Variants in GPHN observed in about 807,000 individuals in gnomAD.
GPHN encodes gephyrin.
In GPHN, 17 loss-of-function variants were observed where a neutral mutation model predicts 95.5. The observed-to-expected ratio is 0.18, with a 90% CI of 0.12 to 0.27. The LOEUF (loss-of-function observed/expected upper bound fraction) is 0.27. Ranked by LOEUF, GPHN falls within the 10% of genes least tolerant of loss-of-function variation. The pLI, the probability that GPHN is intolerant of heterozygous loss-of-function variation, is 1.00. For synonymous variants in GPHN, 320 were observed against 322.5 expected, an observed-to-expected ratio of 0.99 and a Z score of 0.08; for missense variants, 660 against 978.1, an observed-to-expected ratio of 0.67 and a Z score of 4.34.
At chr14:67,382,771 A>G in the GPHN span, 2 of 620,092 alleles carry the variant, frequency 3.2e-6, no homozygotes, top group Non-Finnish European at 5.5e-6. Context: ...AATAAACAAT[A>G]TAAATGAGAA....
chr14:67,670,523 T>C, the GPHN span, among the ~76,000 whole-genome samples: 38 of 152,230 alleles, frequency 2.5e-4, no homozygotes, highest in African/African-American at 8.9e-4. Flanking sequence ...CTCAGAGAAC[T>C]TTATTTTAGG....
the GPHN span, among the ~76,000 whole-genome samples, chr14:67,221,343 A>G: frequency 6.6e-6 from 1 of 152,188 alleles, no homozygotes; most frequent in Non-Finnish European, 1.5e-5. Context: ...CTAACCATCC[A>G]TTTCAGAATT....
chr14:67,106,130 C>CTA (rs2078028096), intron 13 of GPHN, among the ~76,000 whole-genome samples: 1 of 152,130 alleles, frequency 6.6e-6, no homozygotes, highest in Non-Finnish European at 1.5e-5. Flanking sequence ...CTGGGAAAGA[C>CTA]TATTTCTCCC....
the GPHN span, among the ~76,000 whole-genome samples, chr14:67,323,222 CATAT>C: frequency 4.6e-5 from 5 of 107,718 alleles, no homozygotes; most frequent in South Asian, 3.8e-4. Context: ...CATATATACA[CATAT>C]ATACACGTGT....
chr14:67,582,860 C>T, the GPHN span, among the ~76,000 whole-genome samples: 1 of 151,972 alleles, frequency 6.6e-6, no homozygotes, highest in East Asian at 1.9e-4. The surrounding 1 kb of genome is among the most constrained non-coding windows in gnomAD (Gnocchi z 5.0). Flanking sequence ...AACAAACAAA[C>T]AAACAAAAAC....
At chr14:67,273,865 A>T in the GPHN span, among the ~76,000 whole-genome samples, 1 of 152,166 alleles carries the variant, frequency 6.6e-6, no homozygotes, top group African/African-American at 2.4e-5. Flanking sequence ...CATTTCTTTG[A>T]TGACCAGTGA....
chr14:67,072,883 T>C (rs2076362309), intron 11 of GPHN, among the ~76,000 whole-genome samples: 1 of 152,208 alleles, frequency 6.6e-6, no homozygotes, highest in Non-Finnish European at 1.5e-5. Flanking sequence ...GTGACTATAA[T>C]GCCTTGCTAA....
At chr14:67,023,751 A>G in intron 10 of GPHN, 76 bp downstream of exon 10, 1 of 1,226,702 alleles carries the variant, frequency 8.2e-7, no homozygotes, top group Non-Finnish European at 1.2e-6. Context: ...GGTGAAAAAA[A>G]AGAAGAAAAG....
chr14:67,378,509 A>T, the GPHN span, among the ~76,000 whole-genome samples: 1 of 152,174 alleles, frequency 6.6e-6, no homozygotes, highest in Non-Finnish European at 1.5e-5. Flanking sequence ...CAAATCATAG[A>T]GCCAGGCAGT....
chr14:66,818,008 G>A (rs908717556), intron 3 of GPHN, among the ~76,000 whole-genome samples: 2 of 152,080 alleles, frequency 1.3e-5, no homozygotes, highest in African/African-American at 2.4e-5. Flanking sequence ...TAGTATATGT[G>A]TAATTATTAA....
chr14:67,501,880 G>A, the GPHN span, among the ~76,000 whole-genome samples: 19 of 152,340 alleles, frequency 1.2e-4, no homozygotes, highest in East Asian at 2.3e-3. Context: ...TGACATCTAC[G>A]AATATTCATA....
At chr14:67,171,471 A>ATG (rs2082594823) in intron 21 of GPHN, among the ~76,000 whole-genome samples, 2 of 152,090 alleles carry the variant, frequency 1.3e-5, no homozygotes, top group African/African-American at 2.4e-5. Flanking sequence ...ACCTTCTATC[A>ATG]TGTGTTTCCT....
chr14:67,248,290 G>T, the GPHN span, among the ~76,000 whole-genome samples: 1 of 152,072 alleles, frequency 6.6e-6, no homozygotes, highest in African/African-American at 2.4e-5. Context: ...GGAGGCTGAG[G>T]TGGGAGGGTC....
At chr14:67,155,793 G>T (rs2081549796) in intron 18 of GPHN, among the ~76,000 whole-genome samples, 1 of 151,984 alleles carries the variant, frequency 6.6e-6, no homozygotes, top group African/African-American at 2.4e-5. Context: ...CTAATCTCGA[G>T]CCGGATAAAT....
the GPHN span, chr14:67,514,952 C>G: frequency 2.7e-5 from 4 of 146,332 alleles, no homozygotes; most frequent in South Asian, 8.8e-4. Flanking sequence ...TCTGCTACAG[C>G]CCCAAGTCCG....
chr14:66,822,335 CT>C (rs1183636559), intron 3 of GPHN, among the ~76,000 whole-genome samples: 1 of 152,188 alleles, frequency 6.6e-6, no homozygotes, highest in Non-Finnish European at 1.5e-5. Context: ...AGATCGTCTC[CT>C]TAGACTAGTA....
the GPHN span, among the ~76,000 whole-genome samples, chr14:67,492,858 G>A: frequency 6.6e-6 from 1 of 152,242 alleles, no homozygotes; most frequent in Admixed American, 6.5e-5. Flanking sequence ...ACAAGACAAT[G>A]TTCCTGCCCC....
At chr14:66,880,062 C>T (rs2063856908) in intron 5 of GPHN, 29 bp downstream of exon 5, 1 of 1,335,710 alleles carries the variant, frequency 7.5e-7, no homozygotes, top group Non-Finnish European at 1.1e-6. Flanking sequence ...TGTTGCAAAC[C>T]ATTTGCTAGG....
the GPHN span, among the ~76,000 whole-genome samples, chr14:67,423,852 T>C: frequency 2.3e-4 from 35 of 152,134 alleles, no homozygotes; most frequent in Non-Finnish European, 1.0e-4. Flanking sequence ...CCTGGAATAG[T>C]TGGAGGAACG....
Sources: gnomAD v4.1 joint callset for allele counts (sites outside exome capture counted in the v4.1 genomes callset) on GRCh38, gnomAD v4.1.1 for gene constraint, Gnocchi (gnomAD v3.1) non-coding constraint, MANE v1.5 for transcripts, NCBI Gene and HGNC (gene_info 2026-07-23, HGNC 2026-07-21) for gene names.